Variants in C3orf52 observed in about 807,000 individuals in gnomAD.
The protein encoded by C3orf52 is chromosome 3 open reading frame 52.
C3orf52 carries 22 observed loss-of-function variants against 24.8 expected under a neutral mutation model. The observed-to-expected ratio is 0.89, with a 90% CI of 0.63 to 1.27. The LOEUF (loss-of-function observed/expected upper bound fraction) is 1.27, where lower values mean the gene tolerates loss of function less well. C3orf52 is among the 50% of genes most tolerant of loss of function. The pLI is 0.00. For synonymous variants in C3orf52, 93 were observed against 100.2 expected (o/e 0.93, Z 0.43); for missense variants, 265 against 260.7 (o/e 1.02, Z -0.11).
intron 1 of C3orf52, among the ~76,000 whole-genome samples, chr3:112,087,039 G>A (rs574358941): frequency 6.6e-6 from 1 of 151,488 alleles, no homozygotes; most frequent in Admixed American, 6.6e-5. Flanking sequence ...CCTACCATCC[G>A]CCAAGCACTT....
intron 4 of C3orf52, among the ~76,000 whole-genome samples, chr3:112,127,547 A>G (rs7651558): frequency 0.36 from 54,913 of 152,038 alleles, 10,054 homozygotes; most frequent in South Asian, 0.44. Flanking sequence ...CTGTGAGGGT[A>G]ACCCTATGTC....
At position 112,093,417 on chromosome 3, in the gene C3orf52, C is replaced by T; in HGVS notation, c.196C>T (p.Leu66=). The T allele has an allele frequency of 6.2e-7, 1 of 1,613,844 alleles. No homozygotes were observed. The highest frequency in any genetic ancestry group is 2.2e-5 in the East Asian group (1 of 44,880). Residue 66 remains leucine, a synonymous_variant, in exon 2 of 6, where the codon CTG becomes TTG. Transcript: ENST00000264848. ...TAAGAATGTGGTTGGAAGATGCAAA[C>T]TGTGGATGATCATCACCTCCATTTT... ...CNKNVVGRCK[L]WMIITSIFLG... is the part of the protein sequence containing the mutation.
At chr3:112,123,246 A>G (rs1286322026) in intron 4 of C3orf52, 2 of 888,210 alleles carry the variant, frequency 2.3e-6, no homozygotes, top group African/African-American at 3.4e-5. Context: ...CTCTTTCTCA[A>G]ATGGTGTTGT....
downstream of C3orf52, chr3:112,129,247 G>A (rs772035812): frequency 6.6e-5 from 10 of 152,328 alleles, no homozygotes; most frequent in Middle Eastern, 3.4e-3. Flanking sequence ...AATGAGATAA[G>A]AGGAGGGGGA....
intron 2 of C3orf52, among the ~76,000 whole-genome samples, chr3:112,098,654 T>G (rs2073946587): frequency 6.6e-6 from 1 of 152,212 alleles, no homozygotes; most frequent in African/African-American, 2.4e-5. Flanking sequence ...CTAGGTAGCT[T>G]ATACATAACA....
intron 1 of C3orf52, among the ~76,000 whole-genome samples, chr3:112,087,144 G>C (rs1302795563): frequency 1.3e-5 from 2 of 152,084 alleles, no homozygotes; most frequent in Non-Finnish European, 2.9e-5. Flanking sequence ...AGAAGGGGTA[G>C]GGCTGGCGTA....
intron 4 of C3orf52, among the ~76,000 whole-genome samples, chr3:112,127,699 G>A (rs1378733982): frequency 6.6e-6 from 1 of 152,180 alleles, no homozygotes; most frequent in Non-Finnish European, 1.5e-5. Flanking sequence ...CTATGTGCAA[G>A]GGATAGAAAT....
At chr3:112,105,733 G>T (rs1407712446) in intron 3 of C3orf52, among the ~76,000 whole-genome samples, 2 of 150,020 alleles carry the variant, frequency 1.3e-5, no homozygotes, top group African/African-American at 4.9e-5. Context: ...TGAGGCAGGC[G>T]AATGGTGTGA....
chr3:112,128,591 C>A (rs569973883), exon 5 of C3orf52: 22 of 220,388 alleles, frequency 1.0e-4, no homozygotes, highest in African/African-American at 4.6e-4. Flanking sequence ...CAGTCTATGA[C>A]ACAACATCTG....
At chr3:112,109,086 T>G (rs930658870) in intron 3 of C3orf52, among the ~76,000 whole-genome samples, 1 of 152,212 alleles carries the variant, frequency 6.6e-6, no homozygotes, top group African/African-American at 2.4e-5. Flanking sequence ...GGGGATGTGC[T>G]AGACCCATGG....
At chr3:112,127,226 G>A (rs1354328993) in intron 4 of C3orf52, among the ~76,000 whole-genome samples, 1 of 152,130 alleles carries the variant, frequency 6.6e-6, no homozygotes, top group African/African-American at 2.4e-5. Context: ...ATTCCTTTGT[G>A]CCTCTTTCTC....
downstream of C3orf52, among the ~76,000 whole-genome samples, chr3:112,135,867 G>T (rs1438964905): frequency 1.3e-5 from 2 of 152,108 alleles, no homozygotes; most frequent in African/African-American, 4.8e-5. Flanking sequence ...TTGCAGCTCT[G>T]AGAGACAATA....
At chr3:112,097,691 GA>G (rs887673521) in intron 2 of C3orf52, among the ~76,000 whole-genome samples, 28 of 152,326 alleles carry the variant, frequency 1.8e-4, no homozygotes, top group Admixed American at 6.5e-4. Context: ...GCAGGAACAT[GA>G]GAGCAGTGCT....
At chr3:112,088,997 G>A (rs1478954952) in intron 1 of C3orf52, among the ~76,000 whole-genome samples, 1 of 152,172 alleles carries the variant, frequency 6.6e-6, no homozygotes, top group Non-Finnish European at 1.5e-5. Flanking sequence ...CTTGGCACTT[G>A]AGACAAAGGA....
intron 2 of C3orf52, among the ~76,000 whole-genome samples, chr3:112,100,721 T>C (rs1467894397): frequency 6.6e-6 from 1 of 152,218 alleles, no homozygotes; most frequent in East Asian, 1.9e-4. Context: ...ATATTATTTA[T>C]AGAAGTAGAA....
intron 2 of C3orf52, among the ~76,000 whole-genome samples, chr3:112,095,456 G>A (rs182159589): frequency 3.3e-5 from 5 of 152,184 alleles, no homozygotes; most frequent in East Asian, 1.9e-4. Context: ...ATTCTAAAGC[G>A]CAAGACCCAG....
downstream of C3orf52, chr3:112,130,835 A>G: frequency 2.7e-6 from 1 of 364,374 alleles, no homozygotes; most frequent in South Asian, 2.8e-5. Context: ...GAGAGGCCTG[A>G]GGTCCTCAGC....
chr3:112,130,363 C>T (rs1402382917), downstream of C3orf52: 2 of 1,086,544 alleles, frequency 1.8e-6, no homozygotes, highest in Non-Finnish European at 2.9e-6. Flanking sequence ...CCCTCTCTCA[C>T]TGGGATGTGA....
At chr3:112,100,677 A>C (rs12053863) in intron 2 of C3orf52, among the ~76,000 whole-genome samples, 42,070 of 152,054 alleles carry the variant, frequency 0.28, 6,586 homozygotes, top group Non-Finnish European at 0.37. Flanking sequence ...GGAAATCTAC[A>C]TGGTGGGTAT....
Sources: allele counts gnomAD v4.1 joint callset (sites outside exome capture counted in the v4.1 genomes callset), GRCh38; gene constraint gnomAD v4.1.1; transcripts MANE v1.5; gene names NCBI Gene and HGNC (gene_info 2026-07-23, HGNC 2026-07-21).